CASP6: variants seen among roughly 807,000 people sequenced by gnomAD.
CASP6 encodes the protein caspase 6.
A neutral mutation model predicts 31.8 loss-of-function variants in CASP6; 20 were observed. The ratio of observed to expected loss-of-function variants is 0.63; its 90% CI spans 0.44 to 0.91. CASP6 has a LOEUF of 0.91. Among genes scored for constraint, CASP6 ranks in the 40% least tolerant of loss-of-function variants. The pLI, the probability that CASP6 is intolerant of heterozygous loss-of-function variation, is 0.00. For missense variants in CASP6, 328 were observed against 361.1 expected (o/e 0.91, Z 0.74); for synonymous variants, 130 against 127.8 (o/e 1.02, Z -0.12).
At chr4:109,702,481 A>AT (rs1288501822) in intron 1 of CASP6, among the ~76,000 whole-genome samples, 3 of 151,760 alleles carry the variant, frequency 2.0e-5, no homozygotes, top group African/African-American at 4.8e-5. Flanking sequence ...GGCCTGGCTA[A>AT]TTTTTTTGTA....
chr4:109,668,746 G>T, the CASP6 span, among the ~76,000 whole-genome samples: 4 of 146,554 alleles, frequency 2.7e-5, no homozygotes, highest in Non-Finnish European at 6.0e-5. Context: ...TGCCTTTTTT[G>T]GTTTTTAATT....
chr4:109,698,296 T>G lies in CASP6; in HGVS notation c.83+4A>C. ...ACCTTTATTAGAAAAGAGCACAGCT[T>G]TACCTTTTATAGAAGGCATCTGTTT... On this transcript the variant is annotated splice_donor_region_variant and intron_variant, in intron 2 of 6. Transcript: ENST00000265164. 6.2e-7 allele frequency: 1 copy of G among 1,609,754 alleles called. No homozygotes were observed. The highest frequency in any genetic ancestry group is 1.3e-5 in the African/African-American group (1 of 74,712).
intron 1 of CASP6, among the ~76,000 whole-genome samples, chr4:109,700,713 C>T (rs895142456): frequency 3.3e-5 from 5 of 152,086 alleles, no homozygotes; most frequent in African/African-American, 1.2e-4. Flanking sequence ...CAAAGTGCAC[C>T]CTGCATCCTG....
At chr4:109,682,587 C>A in the CASP6 span, 1 of 1,599,862 alleles carries the variant, frequency 6.3e-7, no homozygotes, top group Non-Finnish European at 8.5e-7. Flanking sequence ...CTCAGAAAAA[C>A]CAAGTAATGA....
Position 109,689,275 on chromosome 4 carries a change from C to A in CASP6, c.*55G>T, listed in dbSNP as rs543844359. The A allele has an allele frequency of 6.5e-7, 1 of 1,547,660 alleles. No individual in the cohort carries two copies. The highest frequency in any genetic ancestry group is 1.4e-5 in the African/African-American group (1 of 73,398). ...GGATTACAGGTGTGAGTAACCACGC[C>A]TGGCTGAGAAAGCCATTTTCAATAC... On this transcript the variant is annotated 3_prime_UTR_variant, in exon 7 of 7. Coordinates refer to ENST00000265164, the MANE Select transcript of CASP6 (RefSeq NM_001226.4).
chr4:109,677,028 G>C, the CASP6 span, among the ~76,000 whole-genome samples: 1 of 152,230 alleles, frequency 6.6e-6, no homozygotes, highest in Non-Finnish European at 1.5e-5. Flanking sequence ...CTACTGCCTG[G>C]GCTGAGCCCA....
intron 5 of CASP6, among the ~76,000 whole-genome samples, chr4:109,693,864 G>C (rs548896672): frequency 2.0e-5 from 3 of 151,200 alleles, no homozygotes; most frequent in Non-Finnish European, 4.4e-5. Flanking sequence ...TCAGCTTCCC[G>C]AATGGCTGGG....
At chr4:109,679,348 C>T in the CASP6 span, among the ~76,000 whole-genome samples, 1 of 152,342 alleles carries the variant, frequency 6.6e-6, no homozygotes, top group South Asian at 2.1e-4. Context: ...TGCACTCCAG[C>T]CTGGGCAACA....
At chr4:109,696,235 G>T (rs1027816061) in intron 4 of CASP6, among the ~76,000 whole-genome samples, 175 bp downstream of exon 4, 2 of 152,120 alleles carry the variant, frequency 1.3e-5, no homozygotes, top group Non-Finnish European at 2.9e-5. Flanking sequence ...ATTTGCAAGG[G>T]TCTCTAAATG....
At chr4:109,700,657 C>T (rs1000747613) in intron 1 of CASP6, among the ~76,000 whole-genome samples, 6 of 152,092 alleles carry the variant, frequency 3.9e-5, no homozygotes, top group African/African-American at 1.4e-4. Context: ...AGGCTCTGGA[C>T]ATCCCAATTC....
At chr4:109,692,760 A>T (rs909631068) in intron 5 of CASP6, 6 of 152,162 alleles carry the variant, frequency 3.9e-5, no homozygotes, top group Admixed American at 6.5e-5. Flanking sequence ...CTTAGGTTCT[A>T]CACCTGTATG....
the CASP6 span, among the ~76,000 whole-genome samples, chr4:109,677,493 T>G: frequency 1.3e-5 from 2 of 152,338 alleles, no homozygotes; most frequent in Admixed American, 1.3e-4. Flanking sequence ...GGTTTGAATG[T>G]GTCCCTCAAA....
At chr4:109,682,966 CA>C in the CASP6 span, 1 of 420,068 alleles carries the variant, frequency 2.4e-6, no homozygotes, top group Non-Finnish European at 4.3e-6. Flanking sequence ...GACTTGAGCT[CA>C]CGTGGCCTGT....
At chr4:109,706,002 ATATATATATATAT>A (rs1272915476), upstream of CASP6, among the ~76,000 whole-genome samples, 1 of 18,416 alleles carries the variant, frequency 5.4e-5, no homozygotes, top group African/African-American at 2.5e-4. Flanking sequence ...AAAAAAAAAA[ATATATATATATAT>A]ATATATATAT....
intron 4 of CASP6, among the ~76,000 whole-genome samples, chr4:109,695,273 C>T (rs1319578947): frequency 6.6e-6 from 1 of 152,122 alleles, no homozygotes; most frequent in African/African-American, 2.4e-5. Context: ...TTTCATTAGC[C>T]TTTCTAAAAC....
chr4:109,678,628 G>GAT, the CASP6 span, among the ~76,000 whole-genome samples: 1 of 146,990 alleles, frequency 6.8e-6, no homozygotes, highest in African/African-American at 2.5e-5. Flanking sequence ...CCTCCCAGAC[G>GAT]GGGTGGCGGC....
chr4:109,706,131 T>TTATACA (rs1554022972), upstream of CASP6, among the ~76,000 whole-genome samples: 2 of 36,110 alleles, frequency 5.5e-5, no homozygotes, highest in Non-Finnish European at 9.8e-5. Flanking sequence ...CCTATCCATT[T>TTATACA]TATATATATA....
At chr4:109,673,942 A>G in the CASP6 span, 1 of 794,562 alleles carries the variant, frequency 1.3e-6, no homozygotes, top group African/African-American at 1.7e-5. Flanking sequence ...ACCCATTGGA[A>G]TAGCAGGTTT....
downstream of CASP6, chr4:109,684,708 G>A (rs1426134464): frequency 8.9e-6 from 7 of 784,900 alleles, no homozygotes; most frequent in Admixed American, 4.9e-5. Flanking sequence ...TCTTATCTAA[G>A]CAATGAGCAA....
Sources: gnomAD v4.1 joint callset for allele counts (sites outside exome capture counted in the v4.1 genomes callset) on GRCh38, gnomAD v4.1.1 for gene constraint, MANE v1.5 for transcripts, NCBI Gene and HGNC (gene_info 2026-07-23, HGNC 2026-07-21) for gene names.